Variants in SLC35F3 observed in about 807,000 individuals in gnomAD.
SLC35F3 encodes solute carrier family 35 member F3.
SLC35F3 carries 25 observed loss-of-function variants against 49.9 expected under a neutral mutation model. That is an observed-to-expected ratio of 0.50 (90% CI 0.37 to 0.70). SLC35F3 has a LOEUF of 0.70. Among genes scored for constraint, SLC35F3 ranks in the 30% least tolerant of loss-of-function variants. The probability of loss-of-function intolerance (pLI) is 0.00; values close to 1 mark genes in which losing one functional copy is unlikely to be tolerated. For synonymous variants in SLC35F3, 275 were observed against 265.4 expected (o/e 1.04, Z -0.35); for missense variants, 525 against 639.8 (o/e 0.82, Z 1.94).
chr1:234,250,337 G>C (rs979215531), intron 3 of SLC35F3, among the ~76,000 whole-genome samples: 7 of 152,170 alleles, frequency 4.6e-5, no homozygotes, highest in Admixed American at 4.6e-4. Context: ...AGGAATACCT[G>C]AGGCTGGGTC....
intron 2 of SLC35F3, among the ~76,000 whole-genome samples, chr1:234,167,657 A>G (rs77171105): frequency 0.024 from 3,657 of 152,254 alleles, 149 homozygotes; most frequent in African/African-American, 0.082. Context: ...AAGCAGATAG[A>G]GCAGCCGTCA....
intron 2 of SLC35F3, among the ~76,000 whole-genome samples, chr1:234,131,669 G>A (rs1327643060): frequency 6.6e-6 from 1 of 152,168 alleles, no homozygotes; most frequent in Non-Finnish European, 1.5e-5. Context: ...TAGGGAGCAC[G>A]TCGTAAACAA....
rs1263308303 is a variant in SLC35F3, at chr1:234,324,143, T to A, written c.*900T>A. On this transcript the variant is annotated 3_prime_UTR_variant, in exon 8 of 8. Coordinates refer to ENST00000366618, the MANE Select transcript of SLC35F3 (RefSeq NM_173508.4). ...GTACATTGTGCAGGAGGGGAATTGC[T>A]GGCTGCTTTTACTTCCTGACCAAGA... 1 of 152,250 alleles carries A rather than the reference T, an allele frequency of 6.6e-6. No homozygotes were observed. Among genetic ancestry groups the A allele is most frequent in the Admixed American group, 6.5e-5 (1 of 15,286 alleles). 9.4% of individuals were successfully genotyped at this position (152,250 alleles called of 1,614,324 possible).
chr1:233,992,601 G>T (rs1043357339), intron 2 of SLC35F3, among the ~76,000 whole-genome samples: 6 of 152,016 alleles, frequency 3.9e-5, no homozygotes, highest in Non-Finnish European at 5.9e-5. Context: ...ATTCATGAGG[G>T]GTCTGTCCTA....
chr1:234,262,748 G>A (rs565312129), intron 3 of SLC35F3, among the ~76,000 whole-genome samples: 9 of 152,272 alleles, frequency 5.9e-5, no homozygotes, highest in African/African-American at 2.2e-4. Context: ...TGGTCTGAGG[G>A]CAGGTGGTGA....
chr1:234,284,485 G>T (rs1668379588), intron 3 of SLC35F3, among the ~76,000 whole-genome samples: 2 of 152,288 alleles, frequency 1.3e-5, no homozygotes, highest in East Asian at 1.9e-4. Flanking sequence ...CTATCAGTTT[G>T]GTTTCAGATA....
intron 2 of SLC35F3, among the ~76,000 whole-genome samples, chr1:234,125,714 A>G (rs1665636209): frequency 1.3e-5 from 2 of 152,162 alleles, no homozygotes; most frequent in African/African-American, 4.8e-5. Flanking sequence ...CTCTCTGATC[A>G]CGGTGACACT....
chr1:234,099,254 T>C (rs1001092447), intron 2 of SLC35F3, among the ~76,000 whole-genome samples: 2 of 152,012 alleles, frequency 1.3e-5, no homozygotes, highest in African/African-American at 4.8e-5. Context: ...CAAAGTGCAA[T>C]AGAATAATAT....
At chr1:234,116,567 A>C (rs1469366901) in intron 2 of SLC35F3, among the ~76,000 whole-genome samples, 1 of 147,762 alleles carries the variant, frequency 6.8e-6, no homozygotes, top group Non-Finnish European at 1.5e-5. Flanking sequence ...GCTGGAGTGC[A>C]ATGGCGCAAT....
Position 234,320,085 on chromosome 1 carries a change from T to A in SLC35F3, c.1148-13T>A. 6.4e-7 allele frequency: 1 copy of A among 1,564,092 alleles called. No individual in the cohort carries two copies. Among genetic ancestry groups the A allele is most frequent in the South Asian group, 1.1e-5 (1 of 90,002 alleles). On this transcript the variant is annotated splice_polypyrimidine_tract_variant and intron_variant, in intron 6 of 7. Coordinates refer to ENST00000366618, the MANE Select transcript of SLC35F3 (RefSeq NM_173508.4). The surrounding 1 kb of genome is among the most constrained non-coding windows in gnomAD (Gnocchi z 4.8). ...TCATGAATAACACTCGTTGTTTACA[T>A]TCTTTATTTCAGCATTCAATATTGT...
At position 234,041,926 on chromosome 1, in the gene SLC35F3, G is replaced by A. The variant is rs189949468; in HGVS notation, c.283+136168G>A. ...TCTGTGACACACAGGAAGGAGTCCT[G>A]GGTGATGCCTTCTGAGCTCATGGCA... On this transcript the variant is annotated intron_variant, in intron 2 of 7. Coordinates refer to ENST00000366618, the MANE Select transcript of SLC35F3 (RefSeq NM_173508.4). Among the ~76,000 whole-genome samples, 323 of 152,272 alleles carry A rather than the reference G, an allele frequency of 2.1e-3. 1 individual carries two copies. The highest frequency in any genetic ancestry group is 6.8e-3 in the Middle Eastern group (2 of 294).
intron 2 of SLC35F3, among the ~76,000 whole-genome samples, chr1:233,943,241 A>G (rs1320946035): frequency 2.0e-5 from 3 of 152,232 alleles, no homozygotes; most frequent in African/African-American, 7.2e-5. Context: ...AAGCTAATTC[A>G]AAGAGTGGTC....
chr1:233,988,237 C>A (rs910544794), intron 2 of SLC35F3, among the ~76,000 whole-genome samples: 3 of 152,144 alleles, frequency 2.0e-5, no homozygotes, highest in African/African-American at 7.2e-5. Context: ...GAAATCTTTT[C>A]TCTTGTGTTT....
Position 234,254,847 on chromosome 1 carries a change from G to C in SLC35F3, c.608+23106G>C, listed in dbSNP as rs182514533. 8.9e-4 allele frequency among the ~76,000 whole-genome samples: 135 copies of C among 152,308 alleles called. 1 individual carries two copies. The highest frequency in any genetic ancestry group is 3.1e-3 in the African/African-American group (128 of 41,576). On this transcript the variant is annotated intron_variant, in intron 3 of 7. Coordinates refer to ENST00000366618, the MANE Select transcript of SLC35F3 (RefSeq NM_173508.4). ...TATAAAAATATGCCAAATCAGCTGA[G>C]AAATCTTTGTCAACATGTTTTAGTT...
intron 2 of SLC35F3, among the ~76,000 whole-genome samples, chr1:234,149,045 G>A (rs1169885700): frequency 6.6e-6 from 1 of 152,164 alleles, no homozygotes; most frequent in African/African-American, 2.4e-5. Context: ...TCAAATCAGT[G>A]GTTGGCTCTA....
At chr1:234,243,299 G>A (rs1252860916) in intron 3 of SLC35F3, among the ~76,000 whole-genome samples, 1 of 152,116 alleles carries the variant, frequency 6.6e-6, no homozygotes, top group African/African-American at 2.4e-5. Context: ...AGGTTGCAGA[G>A]ATCACGCCAC....
intron 3 of SLC35F3, among the ~76,000 whole-genome samples, chr1:234,291,471 A>G (rs373725503): frequency 6.6e-6 from 1 of 152,062 alleles, no homozygotes; most frequent in African/African-American, 2.4e-5. Flanking sequence ...GCACTAGAGG[A>G]TATTTTTTTT....
intron 2 of SLC35F3, among the ~76,000 whole-genome samples, chr1:234,038,126 A>G (rs1436208466): frequency 1.3e-5 from 1 of 74,990 alleles, no homozygotes; most frequent in South Asian, 5.5e-4. Flanking sequence ...CCCCCACCCC[A>G]CAACAGTCCC....
chr1:234,154,054 T>A (rs1666115392), intron 2 of SLC35F3, among the ~76,000 whole-genome samples: 1 of 147,422 alleles, frequency 6.8e-6, no homozygotes, highest in Admixed American at 6.8e-5. Flanking sequence ...AGAGCGAGAC[T>A]CCGTCTCAAA....
Sources: allele counts gnomAD v4.1 joint callset (sites outside exome capture counted in the v4.1 genomes callset), GRCh38; gene constraint gnomAD v4.1.1; non-coding constraint Gnocchi (gnomAD v3.1); transcripts MANE v1.5; gene names NCBI Gene and HGNC (gene_info 2026-07-23, HGNC 2026-07-21).